The following THEMIS variants were observed in gnomAD, a reference collection of about 807,000 sequenced individuals.
The protein encoded by THEMIS is thymocyte selection associated.
THEMIS carries 37 observed loss-of-function variants against 52.6 expected under a neutral mutation model. That is an observed-to-expected ratio of 0.70 (90% CI 0.54 to 0.93). THEMIS has a LOEUF of 0.93. Ranked by LOEUF, THEMIS falls within the 40% of genes least tolerant of loss-of-function variation. The pLI is 0.00. For synonymous variants in THEMIS, 292 were observed against 272.7 expected, an observed-to-expected ratio of 1.07 and a Z score of -0.70; for missense variants, 808 against 763.1, an observed-to-expected ratio of 1.06 and a Z score of -0.69.
intron 4 of THEMIS, among the ~76,000 whole-genome samples, chr6:127,792,917 T>C (rs961117083): frequency 2.6e-5 from 4 of 152,198 alleles, no homozygotes; most frequent in African/African-American, 9.6e-5. Flanking sequence ...TGTCAAATGC[T>C]TGATTAGAAA....
chr6:127,812,801 C>A (rs760344786), intron 4 of THEMIS, 82 bp downstream of exon 4: 159 of 1,397,868 alleles, frequency 1.1e-4, no homozygotes, highest in Middle Eastern at 2.0e-4. Context: ...GAAAAGTAAG[C>A]AAAACACACT....
rs2114660121 is a variant in THEMIS at position 127,829,515 on chromosome 6, T to C, written c.670A>G (p.Ile224Val). Reference protein sequence around the residue: ...PFPKDFYGTLILKPVYEIQGV... With the variant: ...PFPKDFYGTLVLKPVYEIQGV... ...TGAATTTCATAAACAGGCTTGAGAA[T>C]CAGGGTACCATAAAAGTCTTTAGGA... is the stretch of plus-strand genomic sequence containing the variant. The change falls in exon 3 of 6, where the codon ATT (isoleucine) becomes GTT (valine). Residue 224 changes from isoleucine to valine, a missense_variant. By Grantham distance (29) the Ile-to-Val change is conservative (BLOSUM62 3). Transcript: ENST00000368248. The C allele has an allele frequency of 1.9e-6, 3 of 1,611,254 alleles. No individual in the cohort carries two copies. Among genetic ancestry groups the C allele is most frequent in the Non-Finnish European group, 2.5e-6 (3 of 1,178,936 alleles).
chr6:127,846,499 G>A (rs1435082907), intron 2 of THEMIS, among the ~76,000 whole-genome samples: 1 of 151,828 alleles, frequency 6.6e-6, no homozygotes, highest in Admixed American at 6.6e-5. Flanking sequence ...ATTCAAAACT[G>A]CTATGAACAC....
chr6:127,779,266 A>T (rs1317093271), intron 4 of THEMIS, among the ~76,000 whole-genome samples: 16 of 152,154 alleles, frequency 1.1e-4, no homozygotes, highest in Non-Finnish European at 1.5e-5. Flanking sequence ...GCATTAAACA[A>T]TGATAAAATA....
rs1184199219 is a variant in THEMIS at position 127,829,565 on chromosome 6, T to C, written c.620A>G (p.Asn207Ser). ...AAATGGATTCGTTGAGTCCCACTTATTTGAAAAATCTGTAAGGTTTACAGT... is the reference window on the plus strand; with the variant it reads ...AAATGGATTCGTTGAGTCCCACTTACTTGAAAAATCTGTAAGGTTTACAGT... Reference protein sequence around the residue: ...TRTVNLTDFSNKWDSTNPFPK... With the variant: ...TRTVNLTDFSSKWDSTNPFPK... Residue 207 changes from asparagine (N) to serine (S), a missense_variant, in exon 3 of 6, where the codon AAT becomes AGT. Physicochemically the swap from Asn to Ser is conservative, Grantham distance 46. Transcript: ENST00000368248. 2.5e-6 allele frequency: 4 copies of C among 1,614,114 alleles called. No individual in the cohort carries two copies. Among genetic ancestry groups the C allele is most frequent in the Admixed American group, 3.3e-5 (2 of 60,028 alleles).
rs1313445160 is a variant in THEMIS at position 127,891,046 on chromosome 6, C to T, written c.91+9796G>A. Among the ~76,000 whole-genome samples, 3 of 152,030 alleles carry T rather than the reference C, an allele frequency of 2.0e-5. No individual in the cohort carries two copies. In the East Asian group the frequency reaches 5.8e-4, roughly 29 times the overall value. On this transcript the variant is annotated intron_variant, in intron 1 of 5. Transcript: ENST00000368248. ...TGCCTAACTTGAAATATCCACTTGG[C>T]TGAGTAATAGATATTTATATTTAAT...
intron 5 of THEMIS, among the ~76,000 whole-genome samples, chr6:127,716,074 T>G (rs1774149375): frequency 6.6e-6 from 1 of 151,864 alleles, no homozygotes; most frequent in Non-Finnish European, 1.5e-5. Context: ...AGTGTAAAGT[T>G]GTAGGGAAAA....
chr6:127,738,573 G>T (rs944865668), intron 4 of THEMIS, among the ~76,000 whole-genome samples: 1 of 152,086 alleles, frequency 6.6e-6, no homozygotes, highest in African/African-American at 2.4e-5. Context: ...CGACCTTGAC[G>T]ATTATTCTGC....
chr6:127,788,664 A>C (rs1404902517), intron 4 of THEMIS, among the ~76,000 whole-genome samples: 1 of 152,202 alleles, frequency 6.6e-6, no homozygotes, highest in African/African-American at 2.4e-5. Context: ...AAGGCACAAC[A>C]AAAATGATCA....
chr6:127,806,689 T>G (rs1777720895), intron 4 of THEMIS, among the ~76,000 whole-genome samples: 1 of 152,218 alleles, frequency 6.6e-6, no homozygotes, highest in Non-Finnish European at 1.5e-5. Context: ...TTCCTTTTCA[T>G]TTAAAACTCA....
At chr6:127,908,927 G>C (rs1456420400) in intron 1 of THEMIS, among the ~76,000 whole-genome samples, 1 of 151,808 alleles carries the variant, frequency 6.6e-6, no homozygotes, top group Non-Finnish European at 1.5e-5. Flanking sequence ...ATTATTAAAA[G>C]TAGAGCTTAA....
chr6:127,893,847 T>C (rs1324869206), intron 1 of THEMIS, among the ~76,000 whole-genome samples: 9 of 152,000 alleles, frequency 5.9e-5, no homozygotes, highest in Admixed American at 5.3e-4. Context: ...AAAGAATATG[T>C]TTCCTTCCAC....
chr6:127,827,410 C>G (rs577324948), intron 3 of THEMIS, among the ~76,000 whole-genome samples: 2 of 152,148 alleles, frequency 1.3e-5, no homozygotes, highest in African/African-American at 2.4e-5. Flanking sequence ...AAAATAATCC[C>G]TATGAAATTA....
intron 1 of THEMIS, among the ~76,000 whole-genome samples, chr6:127,917,398 G>T (rs750390985): frequency 6.6e-6 from 1 of 152,210 alleles, no homozygotes; most frequent in Non-Finnish European, 1.5e-5. Context: ...TTTATTGGAT[G>T]AATAAGATAT....
the THEMIS span, among the ~76,000 whole-genome samples, chr6:127,702,674 G>A: frequency 6.6e-6 from 1 of 150,640 alleles, no homozygotes; most frequent in Admixed American, 6.6e-5. Context: ...TCACTCTGCT[G>A]ATAAAGACAT....
At chr6:127,761,706 G>C (rs1349417446) in intron 4 of THEMIS, among the ~76,000 whole-genome samples, 1 of 152,040 alleles carries the variant, frequency 6.6e-6, no homozygotes, top group Non-Finnish European at 1.5e-5. Flanking sequence ...TTGTAGTGCT[G>C]ACTTCCTTGT....
chr6:127,892,565 T>G (rs767818619), intron 1 of THEMIS, among the ~76,000 whole-genome samples: 1 of 151,856 alleles, frequency 6.6e-6, no homozygotes, highest in Non-Finnish European at 1.5e-5. Context: ...AATGCATTAT[T>G]AGGATGTATG....
At chr6:127,703,040 T>G in the THEMIS span, among the ~76,000 whole-genome samples, 4 of 98,628 alleles carry the variant, frequency 4.1e-5, no homozygotes, top group Admixed American at 9.1e-5. Flanking sequence ...AATGAGTTTT[T>G]TTTTTTTTTT....
chr6:127,714,260 T>C (rs1011822177), intron 5 of THEMIS, among the ~76,000 whole-genome samples: 7 of 151,918 alleles, frequency 4.6e-5, no homozygotes, highest in African/African-American at 1.7e-4. Context: ...ACAGTAAATA[T>C]CTGTTACCAT....
Sources: allele counts gnomAD v4.1 joint callset (sites outside exome capture counted in the v4.1 genomes callset), GRCh38; gene constraint gnomAD v4.1.1; transcripts MANE v1.5; gene names NCBI Gene and HGNC (gene_info 2026-07-23, HGNC 2026-07-21).